Variants in USH2A observed in about 807,000 individuals in gnomAD.
USH2A encodes Usher syndrome 2A (autosomal recessive, mild).
A neutral mutation model predicts 538.9 loss-of-function variants in USH2A; 443 were observed. The ratio of observed to expected loss-of-function variants is 0.82; its 90% CI spans 0.76 to 0.89. The LOEUF (loss-of-function observed/expected upper bound fraction) is 0.89, where lower values mean the gene tolerates loss of function less well. USH2A is among the 40% of genes least tolerant of loss of function. USH2A has a pLI of 0.00. For synonymous variants in USH2A, 2,413 were observed against 2,273.5 expected (o/e 1.06, Z -1.75); for missense variants, 6,633 against 6,324.8 (o/e 1.05, Z -1.65).
chr1:215,971,876 G>A (rs921016379), intron 35 of USH2A, among the ~76,000 whole-genome samples: 2 of 152,200 alleles, frequency 1.3e-5, no homozygotes, highest in African/African-American at 4.8e-5. Flanking sequence ...GAACTAAAAG[G>A]GGAATTAACA....
At chr1:215,698,357 T>C (rs1266033103) in intron 61 of USH2A, among the ~76,000 whole-genome samples, 1 of 152,178 alleles carries the variant, frequency 6.6e-6, no homozygotes, top group Non-Finnish European at 1.5e-5. Context: ...GATTGCTGGG[T>C]CAAATGGTAT....
rs751883676 is a variant in USH2A, at chr1:215,650,643, G to T, written c.14292C>A (p.Ile4764=). ...NISAPGKPNG[I]VSLYRLFSSS... ...TGGAGAACAGCCTGTAGAGACTGAC[G>T]ATCCCGTTGGGCTTCCCAGGGGCAC... Residue 4764 remains isoleucine (I), a synonymous_variant, in exon 65 of 72, where the codon ATC becomes ATA. Transcript: ENST00000307340. 4 of 1,614,126 alleles carry T rather than the reference G, an allele frequency of 2.5e-6. No homozygotes were observed. In the South Asian group the frequency reaches 3.3e-5, roughly 13 times the overall value.
chr1:215,825,202 A>G (rs920820572), intron 47 of USH2A, among the ~76,000 whole-genome samples: 6 of 152,072 alleles, frequency 3.9e-5, no homozygotes, highest in African/African-American at 7.2e-5. Flanking sequence ...TGCCACCCCC[A>G]CAGTTGTCAT....
intron 44 of USH2A, among the ~76,000 whole-genome samples, chr1:215,864,399 T>C (rs1664416734): frequency 6.6e-6 from 1 of 152,152 alleles, no homozygotes; most frequent in Admixed American, 6.5e-5. Context: ...ATAATTTATC[T>C]TTGGTGTATT....
rs746660733 is a variant in USH2A at position 215,799,152 on chromosome 1, T to C, written c.9740-27A>G. 3.8e-6 allele frequency: 6 copies of C among 1,594,284 alleles called. No individual in the cohort carries two copies. In the South Asian group the frequency reaches 4.5e-5, roughly 12 times the overall value. ...TGTCAATTTAGGACAATAATAATCA[T>C]TACATCAGTTAAAAAAATATGCTAT... On this transcript the variant is annotated intron_variant, in intron 49 of 71. Coordinates refer to ENST00000307340, the MANE Select transcript of USH2A (RefSeq NM_206933.4).
chr1:216,099,329 A>G (rs1316323627), intron 21 of USH2A, among the ~76,000 whole-genome samples: 1 of 152,106 alleles, frequency 6.6e-6, no homozygotes, highest in Non-Finnish European at 1.5e-5. Context: ...TCCACAGAAT[A>G]GAATTGTTTG....
chr1:215,870,053 A>G (rs185581210), intron 43 of USH2A, among the ~76,000 whole-genome samples: 30 of 152,318 alleles, frequency 2.0e-4, no homozygotes, highest in African/African-American at 6.5e-4. Flanking sequence ...AGATTAAACA[A>G]AAAACCCTGA....
chr1:215,868,853 G>A (rs1474935945), intron 43 of USH2A, among the ~76,000 whole-genome samples: 1 of 152,240 alleles, frequency 6.6e-6, no homozygotes, highest in Non-Finnish European at 1.5e-5. Flanking sequence ...GAAGAGGCAA[G>A]AAAGGGTTCT....
At chr1:216,052,585 T>G (rs1434165598) in intron 30 of USH2A, among the ~76,000 whole-genome samples, 1 of 152,176 alleles carries the variant, frequency 6.6e-6, no homozygotes, top group East Asian at 1.9e-4. Flanking sequence ...CTGATAATTT[T>G]CCTTAAAGGC....
chr1:215,785,657 T>TA (rs913614868), intron 52 of USH2A, among the ~76,000 whole-genome samples: 1 of 152,102 alleles, frequency 6.6e-6, no homozygotes, highest in Non-Finnish European at 1.5e-5. Flanking sequence ...TAAAGTATAA[T>TA]AAAAAAATTA....
At chr1:215,626,215 GGTATATATATATATTTTTA>G (rs1285547471) in intron 71 of USH2A, among the ~76,000 whole-genome samples, 3 of 147,682 alleles carry the variant, frequency 2.0e-5, no homozygotes, top group Non-Finnish European at 4.5e-5. Flanking sequence ...ATTAGCTGGG[GGTATATATATATATTTTTA>G]GTATATATAT....
chr1:215,936,801 AATCTC>A (rs1666511077), intron 37 of USH2A, among the ~76,000 whole-genome samples: 1 of 152,066 alleles, frequency 6.6e-6, no homozygotes, highest in Non-Finnish European at 1.5e-5. Context: ...AAGCAGCACT[AATCTC>A]ATCCATTACC....
At chr1:215,814,549 G>A (rs1269816200) in intron 48 of USH2A, among the ~76,000 whole-genome samples, 1 of 151,994 alleles carries the variant, frequency 6.6e-6, no homozygotes, top group African/African-American at 2.4e-5. Context: ...TTTATTGTAG[G>A]TCTAAAGGCG....
chr1:216,011,036 C>T (rs1238331903), intron 32 of USH2A, among the ~76,000 whole-genome samples: 1 of 152,050 alleles, frequency 6.6e-6, no homozygotes, highest in Non-Finnish European at 1.5e-5. Flanking sequence ...TGTTATCACC[C>T]GCCTGCTACA....
chr1:215,630,153 CA>C (rs763851091), intron 70 of USH2A: 2 of 513,624 alleles, frequency 3.9e-6, no homozygotes, highest in Non-Finnish European at 7.8e-6. Flanking sequence ...ACACACCATG[CA>C]AAAGATCATG....
At chr1:216,380,180 A>G (rs2038902754) in intron 3 of USH2A, among the ~76,000 whole-genome samples, 1 of 152,198 alleles carries the variant, frequency 6.6e-6, no homozygotes, top group Non-Finnish European at 1.5e-5. Flanking sequence ...GAAACAACAT[A>G]AAAGAAGATG....
chr1:215,711,927 C>T (rs1275698564), intron 61 of USH2A, among the ~76,000 whole-genome samples: 2 of 152,144 alleles, frequency 1.3e-5, no homozygotes, highest in Admixed American at 6.5e-5. Flanking sequence ...CTAACAGATG[C>T]GATCACCCAG....
intron 37 of USH2A, among the ~76,000 whole-genome samples, chr1:215,944,223 A>C (rs1258806961): frequency 6.6e-6 from 1 of 152,152 alleles, no homozygotes; most frequent in Non-Finnish European, 1.5e-5. Context: ...TCTTTCTAGG[A>C]ATTTTCATGA....
At chr1:215,951,654 T>C (rs912176332) in intron 37 of USH2A, among the ~76,000 whole-genome samples, 1 of 151,982 alleles carries the variant, frequency 6.6e-6, no homozygotes, top group African/African-American at 2.4e-5. Flanking sequence ...GACAGTGGGG[T>C]GTTAAAGTCT....
Sources: allele counts gnomAD v4.1 joint callset (sites outside exome capture counted in the v4.1 genomes callset), GRCh38; gene constraint gnomAD v4.1.1; transcripts MANE v1.5; gene names NCBI Gene and HGNC (gene_info 2026-07-23, HGNC 2026-07-21).